Variants in KIAA0319 observed in about 807,000 individuals in gnomAD.
KIAA0319 encodes the protein dyslexia-associated protein KIAA0319.
A neutral mutation model predicts 108.4 loss-of-function variants in KIAA0319; 83 were observed. The observed-to-expected ratio is 0.77, with a 90% CI of 0.64 to 0.92. The LOEUF (loss-of-function observed/expected upper bound fraction) is 0.92. Among genes scored for constraint, KIAA0319 ranks in the 40% least tolerant of loss-of-function variants. The pLI, the probability that KIAA0319 is intolerant of heterozygous loss-of-function variation, is 0.00. For missense variants in KIAA0319, 1,195 were observed against 1,322.4 expected, an observed-to-expected ratio of 0.90 and a Z score of 1.49; for synonymous variants, 484 against 510.4, an observed-to-expected ratio of 0.95 and a Z score of 0.70.
At chr6:24,576,118 C>T (rs1765457922) in intron 10 of KIAA0319, among the ~76,000 whole-genome samples, 2 of 152,236 alleles carry the variant, frequency 1.3e-5, no homozygotes, top group East Asian at 1.9e-4. Flanking sequence ...TTTCCCAAAC[C>T]GATCTCAAGA....
At chr6:24,541,650 T>G (rs1038640232), downstream of KIAA0319, among the ~76,000 whole-genome samples, 2 of 151,808 alleles carry the variant, frequency 1.3e-5, no homozygotes, top group Admixed American at 1.3e-4. Flanking sequence ...ATACAAAAAT[T>G]AGCCCGTCAT....
chr6:24,587,985 C>G (rs980144945), intron 4 of KIAA0319, among the ~76,000 whole-genome samples: 1 of 152,222 alleles, frequency 6.6e-6, no homozygotes, highest in Non-Finnish European at 1.5e-5. Flanking sequence ...GAATCTTTAG[C>G]ACAAAATACA....
Position 24,558,382 on chromosome 6 carries a change from TAGA to T in KIAA0319, c.2734+628_2734+630del, listed in dbSNP as rs1157105230. 2.0e-5 allele frequency among the ~76,000 whole-genome samples: 3 copies of T among 150,814 alleles called. No individual in the cohort carries two copies. In the South Asian group the frequency reaches 6.2e-4, roughly 31 times the overall value. On this transcript the variant is annotated intron_variant, in intron 17 of 20. Transcript: ENST00000378214. ...ATATATATCTAGATAGATAGATAGA[TAGA>T]TAGATAGATAGATAGATAGATATCT...
Position 24,579,830 on chromosome 6 carries a change from AATCCCTAAACT to A in KIAA0319, c.1372+17_1372+27del. ...TTCGTAGCACGTAGAGAAAAAAAGA[AATCCCTAAACT>A]ATCTCAGGATACACACGGCTGCCAT... On this transcript the variant is annotated intron_variant, in intron 8 of 20. Transcript: ENST00000378214. 1 of 1,555,230 alleles carries A rather than the reference AATCCCTAAACT, an allele frequency of 6.4e-7. No individual in the cohort carries two copies. Among genetic ancestry groups the A allele is most frequent in the East Asian group, 2.3e-5 (1 of 43,032 alleles).
intron 3 of KIAA0319, among the ~76,000 whole-genome samples, chr6:24,589,162 G>C (rs1320555333): frequency 6.6e-6 from 1 of 152,192 alleles, no homozygotes; most frequent in Non-Finnish European, 1.5e-5. Flanking sequence ...AGTATTTGGA[G>C]GTAGGGCCTT....
intron 12 of KIAA0319, 106 bp downstream of exon 12, chr6:24,569,797 C>T (rs1445791079): frequency 2.2e-6 from 3 of 1,358,196 alleles, no homozygotes; most frequent in African/African-American, 1.5e-5. Flanking sequence ...TAAATCCCGA[C>T]TCCTCAAAAT....
At chr6:24,593,017 A>T (rs750408316) in intron 3 of KIAA0319, among the ~76,000 whole-genome samples, 9 of 152,204 alleles carry the variant, frequency 5.9e-5, no homozygotes, top group Non-Finnish European at 1.3e-4. Context: ...AACATTATCT[A>T]CTGGATACCT....
In KIAA0319 at chr6:24,576,504, G is replaced by C. The variant is rs547730358; in HGVS notation, c.1598C>G (p.Ala533Gly). 6.2e-7 allele frequency: 1 copy of C among 1,614,160 alleles called. No individual in the cohort carries two copies. Among genetic ancestry groups the C allele is most frequent in the Admixed American group, 1.7e-5 (1 of 60,022 alleles). The change falls in exon 10 of 21, where the codon GCA (alanine) becomes GGA (glycine). Residue 533 changes from alanine (A) to glycine (G), a missense_variant. Transcript: ENST00000378214. ...NAVDYPPVAN[A>G]GPNHTITLPQ... The stretch of plus-strand genomic sequence containing the variant: ...CAAAGTTATGGTGTGATTTGGTCCT[G>C]CATTAGCAACTGGTGGGTAGTCCAC...
At chr6:24,561,413 T>A (rs1434390668) in intron 16 of KIAA0319, among the ~76,000 whole-genome samples, 1 of 152,246 alleles carries the variant, frequency 6.6e-6, no homozygotes, top group African/African-American at 2.4e-5. Context: ...CTTTATTTGT[T>A]ATAGGTCTAT....
chr6:24,547,283 T>A lies in KIAA0319; in HGVS notation c.3101A>T (p.Asp1034Val). 6.2e-7 allele frequency: 1 copy of A among 1,614,198 alleles called. No homozygotes were observed. Among genetic ancestry groups the A allele is most frequent in the Non-Finnish European group, 8.5e-7 (1 of 1,180,014 alleles). The change falls in exon 21 of 21, where the codon GAC becomes GTC. Residue 1034 changes from aspartate (D) to valine (V), a missense_variant. Asp to Val is a radical substitution (Grantham distance 152). Coordinates refer to ENST00000378214, the MANE Select transcript of KIAA0319 (RefSeq NM_014809.4). ...SSLMVSESEFDSDQDTIFSRE... is the reference protein window; with the variant it reads ...SSLMVSESEFVSDQDTIFSRE... ...GCTGAAGATTGTGTCCTGGTCACTG[T>A]CAAACTCAGACTCGGATACCATCAG...
chr6:24,596,079 C>A lies in KIAA0319; in HGVS notation c.595G>T (p.Val199Phe). 1.2e-6 allele frequency: 2 copies of A among 1,614,030 alleles called. No homozygotes were observed. Among genetic ancestry groups the A allele is most frequent in the East Asian group, 4.5e-5 (2 of 44,884 alleles). Residue 199 changes from valine to phenylalanine, a missense_variant, in exon 3 of 21, where the codon GTT becomes TTT. Transcript: ENST00000378214. ...GCTGGCACCGCAGGACTGTCTCCAA[C>A]AGAGGAGTTGAAGGCCCCCTCGCTG... is the stretch of plus-strand genomic sequence containing the variant. ...PGSEGAFNSSVGDSPAVPAET... is the reference protein window; with the variant it reads ...PGSEGAFNSSFGDSPAVPAET...
chr6:24,638,602 T>C (rs1169251552), intron 1 of KIAA0319, among the ~76,000 whole-genome samples: 1 of 151,870 alleles, frequency 6.6e-6, no homozygotes, highest in African/African-American at 2.4e-5. Flanking sequence ...CTACTAAAAA[T>C]ACAAAAAATT....
At position 24,608,536 on chromosome 6, in the gene KIAA0319, C is replaced by T. The variant is rs143846068; in HGVS notation, c.-105-7328G>A. On this transcript the variant is annotated intron_variant, in intron 1 of 20. Transcript: ENST00000378214. ...AATGAAATATATTATTTTTAAAAATCATTAAAAGAGGATGGTACAGGTGCA... is the reference window on the plus strand; with the variant it reads ...AATGAAATATATTATTTTTAAAAATTATTAAAAGAGGATGGTACAGGTGCA... Among the ~76,000 whole-genome samples the T allele has an allele frequency of 5.9e-4, 89 of 152,036 alleles. No homozygotes were observed. The East Asian group carries it at 0.016, about 27-fold the overall frequency.
chr6:24,552,872 T>C (rs1581882485), intron 19 of KIAA0319, among the ~76,000 whole-genome samples: 1 of 152,322 alleles, frequency 6.6e-6, no homozygotes, highest in Non-Finnish European at 1.5e-5. Flanking sequence ...CCCAAAGTGC[T>C]GAGGTTACAG....
At chr6:24,559,799 A>T (rs1762848867) in intron 16 of KIAA0319, among the ~76,000 whole-genome samples, 1 of 152,218 alleles carries the variant, frequency 6.6e-6, no homozygotes, top group Non-Finnish European at 1.5e-5. Context: ...TTGCACAACC[A>T]TCACCACTAT....
intron 20 of KIAA0319, among the ~76,000 whole-genome samples, chr6:24,548,129 G>C (rs544977710): frequency 3.8e-4 from 58 of 152,300 alleles, no homozygotes; most frequent in South Asian, 3.5e-3. Context: ...TGAATTAGGA[G>C]ATAAGCACAT....
At chr6:24,615,887 C>T (rs1420017753) in intron 1 of KIAA0319, among the ~76,000 whole-genome samples, 1 of 152,132 alleles carries the variant, frequency 6.6e-6, no homozygotes, top group Non-Finnish European at 1.5e-5. Flanking sequence ...TTCTCTCTCA[C>T]GGTTCTATTA....
intron 5 of KIAA0319, chr6:24,583,167 A>C: frequency 1.0e-6 from 1 of 986,920 alleles, no homozygotes; most frequent in Non-Finnish European, 1.2e-6. Flanking sequence ...AATTTTTTTG[A>C]GCAGCTAGTG....
At chr6:24,558,608 C>T (rs966604937) in intron 17 of KIAA0319, among the ~76,000 whole-genome samples, 3 of 152,168 alleles carry the variant, frequency 2.0e-5, no homozygotes, top group African/African-American at 7.2e-5. Context: ...AAGAGGCACA[C>T]CTGGAGAAGG....
Sources: allele counts gnomAD v4.1 joint callset (sites outside exome capture counted in the v4.1 genomes callset), GRCh38; gene constraint gnomAD v4.1.1; transcripts MANE v1.5; gene names NCBI Gene and HGNC (gene_info 2026-07-23, HGNC 2026-07-21).